Variants in CDKL5 observed in about 807,000 individuals in gnomAD.
CDKL5 encodes cyclin-dependent kinase-like 5.
A neutral mutation model predicts 61.7 loss-of-function variants in CDKL5; 8 were observed. The observed-to-expected ratio is 0.13, with a 90% CI of 0.08 to 0.23. The LOEUF is 0.23. CDKL5 is among the 10% of genes least tolerant of loss of function. The probability of loss-of-function intolerance (pLI) is 1.00; values close to 1 mark genes in which losing one functional copy is unlikely to be tolerated. For synonymous variants in CDKL5, 275 were observed against 272.3 expected (o/e 1.01, Z -0.10); for missense variants, 440 against 734.5 (o/e 0.60, Z 4.63).
rs1232142907 is a variant in CDKL5, at chrX:18,604,390, A to G, written c.1466A>G (p.His489Arg). 2.5e-6 allele frequency: 3 copies of G among 1,210,885 alleles called. No individual in the cohort carries two copies. The highest frequency in any genetic ancestry group is 2.2e-6 in the Non-Finnish European group (2 of 894,777). Residue 489 changes from histidine to arginine, a missense_variant, in exon 12 of 18, where the codon CAT (histidine) becomes CGT (arginine). Transcript: ENST00000623535. Reference sequence around the variant, plus strand: ...TCCTACAGGACCAAGGCCAAAAGCCATGGGGCACTGAGTGACTCCAAGTCT... The same window carrying G: ...TCCTACAGGACCAAGGCCAAAAGCCGTGGGGCACTGAGTGACTCCAAGTCT... ...SPSYRTKAKS[H>R]GALSDSKSVS...
In CDKL5 at chrX:18,633,031, C is replaced by T; in HGVS notation, c.*4274C>T. 5 of 753,896 alleles carry T rather than the reference C, an allele frequency of 6.6e-6. No homozygotes were observed. The highest frequency in any genetic ancestry group is 7.8e-6 in the Non-Finnish European group (5 of 638,887). 62.1% of individuals were successfully genotyped at this position (753,896 alleles called of 1,213,427 possible). A position where few individuals can be genotyped will look rare whatever the true frequency, so the allele number is the denominator to read the frequency against. The stretch of plus-strand genomic sequence containing the variant: ...CCTGGTGGTGACTGAACTCTTTCAG[C>T]AAGGGCAATGGCTCAATGTGATTCG... On this transcript the variant is annotated 3_prime_UTR_variant, in exon 18 of 18. Transcript: ENST00000623535.
intron 1 of CDKL5, among the ~76,000 whole-genome samples, chrX:18,504,050 G>A (rs1032567587): frequency 3.6e-5 from 4 of 111,158 alleles, no homozygotes; most frequent in Non-Finnish European, 7.5e-5. Context: ...CACTGTGCCT[G>A]GCTAGGATGT....
chrX:18,489,033 G>GA (rs1246387056), intron 1 of CDKL5, among the ~76,000 whole-genome samples: 2 of 111,442 alleles, frequency 1.8e-5, no homozygotes, highest in African/African-American at 3.3e-5. Context: ...CTCTCATGGG[G>GA]AAAAAAATCT....
intron 1 of CDKL5, among the ~76,000 whole-genome samples, chrX:18,428,857 A>G (rs1298280030): frequency 9.0e-6 from 1 of 111,335 alleles, no homozygotes; most frequent in South Asian, 3.7e-4. Flanking sequence ...TTAGGACAAT[A>G]ATGCAATTAA....
intron 7 of CDKL5, among the ~76,000 whole-genome samples, chrX:18,583,460 G>A (rs1263909335): frequency 8.9e-6 from 1 of 111,852 alleles, no homozygotes; most frequent in Non-Finnish European, 1.9e-5. Flanking sequence ...GTTTTACGCT[G>A]GGATTGTTTT....
chrX:18,575,061 CGTA>C (rs1393600866), intron 4 of CDKL5, among the ~76,000 whole-genome samples: 1 of 111,251 alleles, frequency 9.0e-6, no homozygotes, highest in East Asian at 2.8e-4. Flanking sequence ...TATACATACA[CGTA>C]GTAAAAGAAG....
chrX:18,519,798 T>C (rs1267841529), intron 3 of CDKL5, among the ~76,000 whole-genome samples: 1 of 112,134 alleles, frequency 8.9e-6, no homozygotes, highest in East Asian at 2.8e-4. Flanking sequence ...GATTTATGAG[T>C]GTAAAATACT....
chrX:18,591,209 T>C (rs1345967298), intron 9 of CDKL5, among the ~76,000 whole-genome samples: 1 of 111,933 alleles, frequency 8.9e-6, no homozygotes, highest in Non-Finnish European at 1.9e-5. Flanking sequence ...ATGGAATTAT[T>C]TTGTCTGTTT....
intron 3 of CDKL5, among the ~76,000 whole-genome samples, chrX:18,552,728 C>T (rs1343139314): frequency 9.0e-6 from 1 of 111,221 alleles, no homozygotes; most frequent in Non-Finnish European, 1.9e-5. Context: ...GAGCCAGGAT[C>T]TGGGGGATGA....
At position 18,479,561 on chromosome X, in the gene CDKL5, C is replaced by T. The variant is rs556635365; in HGVS notation, c.-162-27374C>T. On this transcript the variant is annotated intron_variant, in intron 1 of 17. Coordinates refer to ENST00000623535, the MANE Select transcript of CDKL5 (RefSeq NM_001323289.2). Reference sequence around the variant, plus strand: ...GTCTCGATCTCTTGACCTTGTGTTCCGCCCACCTCGGCCTCCCAAAGTGCT... The same window carrying T: ...GTCTCGATCTCTTGACCTTGTGTTCTGCCCACCTCGGCCTCCCAAAGTGCT... Among the ~76,000 whole-genome samples the T allele has an allele frequency of 6.4e-5, 7 of 109,284 alleles. No homozygotes were observed. In the South Asian group the frequency reaches 1.6e-3, roughly 24 times the overall value. The allele number at this position is 109,284 out of a possible 115,157, so 94.9% of individuals were successfully genotyped here.
intron 8 of CDKL5, chrX:18,587,705 T>C (rs920917221): frequency 2.3e-5 from 9 of 392,639 alleles, no homozygotes; most frequent in Non-Finnish European, 3.6e-5. Context: ...AAGATACATA[T>C]CTATTTATGT....
At chrX:18,446,875 C>A (rs1346566878) in intron 1 of CDKL5, among the ~76,000 whole-genome samples, 2 of 112,055 alleles carry the variant, frequency 1.8e-5, no homozygotes, top group East Asian at 5.6e-4. Flanking sequence ...GTTTGTCATC[C>A]CTGCTTCTCC....
At chrX:18,493,785 C>T (rs548515561) in intron 1 of CDKL5, among the ~76,000 whole-genome samples, 1 of 111,964 alleles carries the variant, frequency 8.9e-6, no homozygotes, top group South Asian at 3.8e-4. Context: ...TTAGAATTTG[C>T]AGTTCAGAAA....
intron 3 of CDKL5, among the ~76,000 whole-genome samples, chrX:18,559,296 C>A (rs1326883185): frequency 8.9e-6 from 1 of 111,789 alleles, no homozygotes; most frequent in Non-Finnish European, 1.9e-5. Context: ...GCAACCTCTG[C>A]CTCCTGGGTT....
chrX:18,558,274 A>C (rs772220306), intron 3 of CDKL5, among the ~76,000 whole-genome samples: 79 of 112,211 alleles, frequency 7.0e-4, no homozygotes, highest in Non-Finnish European at 1.1e-3. Context: ...AACAAGTAAC[A>C]AACTATGCCT....
intron 1 of CDKL5, among the ~76,000 whole-genome samples, chrX:18,427,726 A>T (rs546520006): frequency 1.1e-3 from 121 of 111,851 alleles, no homozygotes; most frequent in Middle Eastern, 4.6e-3. Flanking sequence ...TATTTTTTTT[A>T]AATTTGAAAT....
chrX:18,441,602 A>G (rs954720086), intron 1 of CDKL5, among the ~76,000 whole-genome samples: 1 of 110,706 alleles, frequency 9.0e-6, no homozygotes, highest in African/African-American at 3.3e-5. Flanking sequence ...CTTCCTTTTC[A>G]CTGTTACATT....
intron 1 of CDKL5, among the ~76,000 whole-genome samples, chrX:18,496,860 C>T (rs1399999294): frequency 4.5e-5 from 5 of 110,750 alleles, no homozygotes; most frequent in Non-Finnish European, 9.4e-5. Flanking sequence ...GTCTTAGGAT[C>T]GCCATCCAAA....
At chrX:18,558,789 G>T (rs1259521435) in intron 3 of CDKL5, among the ~76,000 whole-genome samples, 1 of 112,199 alleles carries the variant, frequency 8.9e-6, no homozygotes, top group Non-Finnish European at 1.9e-5. Context: ...TCCCCTACTA[G>T]CCTGCATTAA....
Sources: allele counts gnomAD v4.1 joint callset (sites outside exome capture counted in the v4.1 genomes callset), GRCh38; gene constraint gnomAD v4.1.1; transcripts MANE v1.5; gene names NCBI Gene and HGNC (gene_info 2026-07-23, HGNC 2026-07-21).